The following PRKCE variants were observed in gnomAD, a reference collection of about 807,000 sequenced individuals.
The protein encoded by PRKCE is protein kinase C epsilon type.
Under a neutral mutation model 85.4 loss-of-function variants are expected in PRKCE, and 16 were observed. The observed-to-expected ratio is 0.19, with a 90% CI of 0.13 to 0.28. PRKCE has a LOEUF of 0.28. Ranked by LOEUF, PRKCE falls within the 10% of genes least tolerant of loss-of-function variation. The pLI, the probability that PRKCE is intolerant of heterozygous loss-of-function variation, is 1.00. For synonymous variants in PRKCE, 388 were observed against 371.5 expected (o/e 1.04, Z -0.51); for missense variants, 573 against 975.2 (o/e 0.59, Z 5.49).
At chr2:45,738,908 A>T (rs1472782877) in intron 1 of PRKCE, among the ~76,000 whole-genome samples, 1 of 152,240 alleles carries the variant, frequency 6.6e-6, no homozygotes, top group Non-Finnish European at 1.5e-5. Flanking sequence ...CCACACTTCA[A>T]AGTAATAGGT....
At chr2:46,024,045 A>G (rs760180006) in intron 10 of PRKCE, among the ~76,000 whole-genome samples, 2 of 152,240 alleles carry the variant, frequency 1.3e-5, no homozygotes, top group South Asian at 4.1e-4. Flanking sequence ...CTGGTTAGCT[A>G]GCTTCTATTA....
chr2:46,030,878 C>T (rs377627806), intron 10 of PRKCE, among the ~76,000 whole-genome samples: 22 of 152,290 alleles, frequency 1.4e-4, no homozygotes, highest in African/African-American at 5.3e-4. Context: ...ATTTCTTCTC[C>T]GTGAAGACAG....
intron 13 of PRKCE, among the ~76,000 whole-genome samples, chr2:46,156,764 A>C: frequency 6.6e-6 from 1 of 152,088 alleles, no homozygotes; most frequent in Non-Finnish European, 1.5e-5. Flanking sequence ...ATATTTCATT[A>C]TTTGCTTGCT....
intron 11 of PRKCE, among the ~76,000 whole-genome samples, chr2:46,109,267 A>G (rs1672027943): frequency 6.6e-6 from 1 of 152,148 alleles, no homozygotes; most frequent in South Asian, 2.1e-4. Context: ...TATTGAATCT[A>G]TAGATTTTAA....
At chr2:45,977,850 A>T (rs1702582053) in intron 3 of PRKCE, among the ~76,000 whole-genome samples, 1 of 152,190 alleles carries the variant, frequency 6.6e-6, no homozygotes, top group South Asian at 2.1e-4. Context: ...CCTTTCTAGC[A>T]AGCTGTCTGA....
At chr2:45,780,043 A>G (rs755632084) in intron 1 of PRKCE, among the ~76,000 whole-genome samples, 17 of 136,112 alleles carry the variant, frequency 1.2e-4, no homozygotes, top group African/African-American at 1.7e-4. Context: ...TTGCATCTGT[A>G]AATACATCTG....
At chr2:46,087,315 G>A (rs183627334) in intron 11 of PRKCE, among the ~76,000 whole-genome samples, 1 of 152,162 alleles carries the variant, frequency 6.6e-6, no homozygotes, top group African/African-American at 2.4e-5. Flanking sequence ...TGGAAGTGTG[G>A]CATTGGACAA....
chr2:45,925,370 C>G (rs956366670), intron 2 of PRKCE, among the ~76,000 whole-genome samples: 2 of 152,102 alleles, frequency 1.3e-5, no homozygotes, highest in African/African-American at 4.8e-5. Flanking sequence ...GATCTTGGCT[C>G]CCTGCAAACT....
At chr2:46,008,452 T>C (rs1391936826) in intron 9 of PRKCE, among the ~76,000 whole-genome samples, 1 of 152,194 alleles carries the variant, frequency 6.6e-6, no homozygotes, top group Non-Finnish European at 1.5e-5. Context: ...CTCTGATTGT[T>C]CCCTGGTTCT....
At position 45,698,342 on chromosome 2, in the gene PRKCE, G is replaced by T. The variant is rs370784803; in HGVS notation, c.348+45894G>T. ...TAGCAAAATGAATGTAGTCTGGCTG[G>T]ATATAAAACAAAAATTTCCAGTTGG... On this transcript the variant is annotated intron_variant, in intron 1 of 14. Transcript: ENST00000306156. 4.6e-5 allele frequency among the ~76,000 whole-genome samples: 7 copies of T among 152,276 alleles called. No individual in the cohort carries two copies. The East Asian group carries it at 1.2e-3, about 25-fold the overall frequency.
At chr2:45,807,077 G>A (rs1048794018) in intron 1 of PRKCE, among the ~76,000 whole-genome samples, 18 of 152,238 alleles carry the variant, frequency 1.2e-4, no homozygotes, top group Admixed American at 2.0e-4. Context: ...ACGGGCTGGG[G>A]AGCAGATAGG....
chr2:46,120,436 A>T (rs1052507564), intron 11 of PRKCE, among the ~76,000 whole-genome samples: 1 of 152,100 alleles, frequency 6.6e-6, no homozygotes, highest in Non-Finnish European at 1.5e-5. Flanking sequence ...ATCCAGCCTA[A>T]CATGTCAGTA....
Position 46,064,197 on chromosome 2 carries a change from G to A in PRKCE, c.1438-22011G>A, listed in dbSNP as rs192538964. Reference sequence around the variant, plus strand: ...CTCAGGAGGCTGAGGCAGGAGAATCGCTTGAACCTGGGAGGTGGAGGTTGA... The same window carrying A: ...CTCAGGAGGCTGAGGCAGGAGAATCACTTGAACCTGGGAGGTGGAGGTTGA... On this transcript the variant is annotated intron_variant, in intron 10 of 14. Transcript: ENST00000306156. 6.7e-5 allele frequency among the ~76,000 whole-genome samples: 10 copies of A among 149,728 alleles called. No individual in the cohort carries two copies. In the East Asian group the frequency reaches 7.9e-4, roughly 12 times the overall value.
chr2:45,671,908 T>C (rs183080321), intron 1 of PRKCE, among the ~76,000 whole-genome samples: 2 of 151,814 alleles, frequency 1.3e-5, no homozygotes, highest in Admixed American at 1.3e-4. Flanking sequence ...AAAAACATTT[T>C]ACAAATTATC....
At chr2:45,900,136 G>A (rs918193952) in intron 2 of PRKCE, among the ~76,000 whole-genome samples, 5 of 152,178 alleles carry the variant, frequency 3.3e-5, no homozygotes, top group African/African-American at 7.2e-5. Context: ...TGATGAAGAT[G>A]TGGGGAAATG....
rs1279789157 is a variant in PRKCE, at chr2:46,186,671, A to G, written c.*1790A>G. On this transcript the variant is annotated 3_prime_UTR_variant, in exon 15 of 15. Coordinates refer to ENST00000306156, the MANE Select transcript of PRKCE (RefSeq NM_005400.3). ...TTAAGCTATATTAAATCTCACATAC[A>G]GTTCTTCTGTGCTCTATTATACCCT... The G allele has an allele frequency of 6.6e-6, 1 of 152,604 alleles. No homozygotes were observed. The highest frequency in any genetic ancestry group is 1.5e-5 in the Non-Finnish European group (1 of 68,038). The allele number at this position is 152,604 out of a possible 1,614,324, so 9.5% of individuals were successfully genotyped here. A position where few individuals can be genotyped will look rare whatever the true frequency, so the allele number is the denominator to read the frequency against.
At chr2:45,959,184 G>C (rs1481928310) in intron 2 of PRKCE, among the ~76,000 whole-genome samples, 2 of 152,078 alleles carry the variant, frequency 1.3e-5, no homozygotes, top group African/African-American at 4.8e-5. Context: ...TCGTGGTCTT[G>C]CCTGTTTGAC....
At chr2:46,031,502 A>C (rs1707509377) in intron 10 of PRKCE, among the ~76,000 whole-genome samples, 1 of 152,122 alleles carries the variant, frequency 6.6e-6, no homozygotes, top group East Asian at 1.9e-4. Context: ...CTAGCTATTT[A>C]GATTTCTATG....
intron 2 of PRKCE, among the ~76,000 whole-genome samples, chr2:45,913,325 T>C (rs1397554412): frequency 1.3e-5 from 2 of 152,194 alleles, no homozygotes; most frequent in Admixed American, 6.5e-5. Context: ...TTTTTGTATC[T>C]TTTTTGTAGA....
Sources: gnomAD v4.1 joint callset for allele counts (sites outside exome capture counted in the v4.1 genomes callset) on GRCh38, gnomAD v4.1.1 for gene constraint, MANE v1.5 for transcripts, NCBI Gene and HGNC (gene_info 2026-07-23, HGNC 2026-07-21) for gene names.